Variants in PDE9A observed in about 807,000 individuals in gnomAD.
PDE9A encodes high affinity cGMP-specific 3',5'-cyclic phosphodiesterase 9A.
A neutral mutation model predicts 87.4 loss-of-function variants in PDE9A; 60 were observed. The observed-to-expected ratio is 0.69, with a 90% CI of 0.56 to 0.85. The LOEUF is 0.85. Ranked by LOEUF, PDE9A falls within the 40% of genes least tolerant of loss-of-function variation. The pLI is 0.00. For missense variants in PDE9A, 665 were observed against 779.0 expected, an observed-to-expected ratio of 0.85 and a Z score of 1.74; for synonymous variants, 272 against 279.4, an observed-to-expected ratio of 0.97 and a Z score of 0.27.
chr21:42,663,351 C>G (rs956891409), intron 1 of PDE9A, among the ~76,000 whole-genome samples: 1 of 152,178 alleles, frequency 6.6e-6, no homozygotes, highest in African/African-American at 2.4e-5. Context: ...CACACACGCA[C>G]AGTATGAAGA....
At chr21:42,698,862 C>A in intron 3 of PDE9A, 106 bp from the exon 4 acceptor site, 5 of 634,736 alleles carry the variant, frequency 7.9e-6, no homozygotes, top group East Asian at 2.8e-5. Context: ...TAAAAAGAAC[C>A]ACCTAATCCG....
At chr21:42,720,771 C>T (rs1381932262) in intron 4 of PDE9A, among the ~76,000 whole-genome samples, 2 of 151,894 alleles carry the variant, frequency 1.3e-5, no homozygotes, top group Non-Finnish European at 2.9e-5. Context: ...TTTGGGAGGC[C>T]GAGGTGGGCG....
At chr21:42,740,618 GATGGATGAATGGATAC>G (rs200261027) in intron 7 of PDE9A, among the ~76,000 whole-genome samples, 13 of 79,624 alleles carry the variant, frequency 1.6e-4, no homozygotes, top group South Asian at 9.2e-4. Flanking sequence ...TGGATGGATG[GATGGATGAATGGATAC>G]ATAGATGAAT....
intron 7 of PDE9A, among the ~76,000 whole-genome samples, chr21:42,740,703 A>G (rs1020881401): frequency 3.4e-5 from 4 of 117,046 alleles, no homozygotes; most frequent in Non-Finnish European, 7.3e-5. Flanking sequence ...GTAGGTAGGT[A>G]GTAGATAGAT....
chr21:42,697,040 C>T (rs946753605), intron 3 of PDE9A, among the ~76,000 whole-genome samples: 1 of 152,210 alleles, frequency 6.6e-6, no homozygotes, highest in Non-Finnish European at 1.5e-5. Flanking sequence ...CCTGAGCCCA[C>T]GCAGGCACGT....
chr21:42,695,565 G>A lies in PDE9A; in HGVS notation c.219-3403G>A, dbSNP rs373406911. Among the ~76,000 whole-genome samples, 8 of 152,200 alleles carry A rather than the reference G, an allele frequency of 5.3e-5. No individual in the cohort carries two copies. The East Asian group carries it at 7.7e-4, about 15-fold the overall frequency. The stretch of plus-strand genomic sequence containing the variant: ...TTCCCGGTTTCGGCCAAGTTGTGCC[G>A]CAGGTGACTCTCCACCGGCTGAGCT... On this transcript the variant is annotated intron_variant, in intron 3 of 19. Transcript: ENST00000291539. The surrounding 1 kb of genome is among the most constrained non-coding windows in gnomAD (Gnocchi z 4.3).
At position 42,759,125 on chromosome 21, in the gene PDE9A, G is replaced by A; in HGVS notation, c.897+40G>A. On this transcript the variant is annotated intron_variant, in intron 11 of 19. Coordinates refer to ENST00000291539, the MANE Select transcript of PDE9A (RefSeq NM_002606.3). The surrounding 1 kb of genome is among the most constrained non-coding windows in gnomAD (Gnocchi z 7.2). ...CGCCTTCGGTTCTTCCTGGGCACGT[G>A]GTTTCATCCAGTTCCACAGGAATGG... 2 of 1,456,534 alleles carry A rather than the reference G, an allele frequency of 1.4e-6. No homozygotes were observed. Among genetic ancestry groups the A allele is most frequent in the Non-Finnish European group, 1.9e-6 (2 of 1,037,508 alleles). The allele number at this position is 1,456,534 out of a possible 1,614,324, so 90.2% of individuals were successfully genotyped here.
In PDE9A at chr21:42,653,875, A is replaced by G. The variant is rs751775054; in HGVS notation, c.61A>G (p.Ile21Val). 1.3e-6 allele frequency: 2 copies of G among 1,555,052 alleles called. No individual in the cohort carries two copies. The highest frequency in any genetic ancestry group is 1.2e-5 in the South Asian group (1 of 84,902). Reference sequence around the variant, plus strand: ...CATCTACCTGGACATCGATGGACGCATTCAGAAGGTAGCCCCTCCCCCACC... The same window carrying G: ...CATCTACCTGGACATCGATGGACGCGTTCAGAAGGTAGCCCCTCCCCCACC... ...KAIYLDIDGRIQKVIFSKYCN... is the reference protein window; with the variant it reads ...KAIYLDIDGRVQKVIFSKYCN... The change falls in exon 1 of 20, where the codon ATT becomes GTT. Residue 21 changes from isoleucine (I) to valine (V), a missense_variant. Physicochemically the swap from Ile to Val is conservative, Grantham distance 29 (BLOSUM62 3). Coordinates refer to ENST00000291539, the MANE Select transcript of PDE9A (RefSeq NM_002606.3).
chr21:42,689,190 C>T (rs2059652857), intron 3 of PDE9A, among the ~76,000 whole-genome samples: 1 of 151,968 alleles, frequency 6.6e-6, no homozygotes, highest in African/African-American at 2.4e-5. Flanking sequence ...CCGTCCCCCT[C>T]AGCGAGGTCC....
intron 3 of PDE9A, chr21:42,697,589 G>C (rs1269494686): frequency 1.5e-5 from 12 of 812,720 alleles, no homozygotes; most frequent in Non-Finnish European, 2.4e-5. Flanking sequence ...TGAGTTCTCA[G>C]AGTCTGGAGG....
intron 1 of PDE9A, among the ~76,000 whole-genome samples, chr21:42,665,581 G>A (rs2057906849): frequency 6.6e-6 from 1 of 152,128 alleles, no homozygotes; most frequent in African/African-American, 2.4e-5. Context: ...GGCCACCCCC[G>A]ACCTTGCTCT....
chr21:42,683,725 G>A (rs756978397), intron 1 of PDE9A, among the ~76,000 whole-genome samples: 11 of 152,124 alleles, frequency 7.2e-5, no homozygotes, highest in Non-Finnish European at 1.2e-4. Flanking sequence ...CCCTCCCCTC[G>A]CCTTTTGAGG....
intron 16 of PDE9A, chr21:42,768,634 A>T: frequency 1.0e-6 from 1 of 985,444 alleles, no homozygotes; most frequent in East Asian, 1.1e-4. Flanking sequence ...GCCGAGACCC[A>T]GCAGGTCAGC....
rs745333015 is a variant in PDE9A at position 42,762,063 on chromosome 21, A to T, written c.1086-20A>T. On this transcript the variant is annotated intron_variant, in intron 13 of 19. Transcript: ENST00000291539. ...GGTGAGGGCGCCTGAGTCTCCCCTCACTCTCTCCTTGCCTCCCAGGTACCA... is the reference window on the plus strand; with the variant it reads ...GGTGAGGGCGCCTGAGTCTCCCCTCTCTCTCTCCTTGCCTCCCAGGTACCA... 7.5e-6 allele frequency: 12 copies of T among 1,608,200 alleles called. No homozygotes were observed. The East Asian group carries it at 2.5e-4, about 33-fold the overall frequency.
Position 42,653,805 on chromosome 21 carries a change from C to G in PDE9A, c.-10C>G, listed in dbSNP as rs2056824448. On this transcript the variant is annotated 5_prime_UTR_variant, in exon 1 of 20. Transcript: ENST00000291539. ...CAGTAAAAAGTCCGAGTGCAGCCGC[C>G]GGGCGCAGGATGGGATCCGGCTCCT... 6.5e-7 allele frequency: 1 copy of G among 1,539,418 alleles called. No individual in the cohort carries two copies. The highest frequency in any genetic ancestry group is 1.4e-5 in the African/African-American group (1 of 70,220).
rs1017407582 is a variant in PDE9A at position 42,699,559 on chromosome 21, T to TC, written c.262+548_262+549insC. On this transcript the variant is annotated intron_variant, in intron 4 of 19. Coordinates refer to ENST00000291539, the MANE Select transcript of PDE9A (RefSeq NM_002606.3). ...TTACAATCCTTTTTCTTTTTCTTTTTTTTTTTTTAAAAAAAAACGGAGTCT... is the reference window on the plus strand; with the variant it reads ...TTACAATCCTTTTTCTTTTTCTTTTTCTTTTTTTTAAAAAAAAACGGAGTCT... Among the ~76,000 whole-genome samples, 5 of 100,388 alleles carry TC rather than the reference T, an allele frequency of 5.0e-5. No homozygotes were observed. In the South Asian group the frequency reaches 1.1e-3, roughly 22 times the overall value. 65.9% of individuals were successfully genotyped at this position (100,388 alleles called of 152,430 possible). A position where few individuals can be genotyped will look rare whatever the true frequency, so the allele number is the denominator to read the frequency against.
chr21:42,715,869 A>G (rs1229177045), intron 4 of PDE9A, among the ~76,000 whole-genome samples: 4 of 151,544 alleles, frequency 2.6e-5, no homozygotes, highest in Non-Finnish European at 5.9e-5. Context: ...CCAGTCTCAG[A>G]CAGAATCGGT....
At chr21:42,672,634 C>T (rs1293010290) in intron 1 of PDE9A, among the ~76,000 whole-genome samples, 1 of 152,254 alleles carries the variant, frequency 6.6e-6, no homozygotes, top group Non-Finnish European at 1.5e-5. Context: ...AAGACAGATG[C>T]CCTGCCGTGT....
At chr21:42,744,987 G>A (rs1009622086) in intron 8 of PDE9A, among the ~76,000 whole-genome samples, 1 of 152,236 alleles carries the variant, frequency 6.6e-6, no homozygotes, top group Non-Finnish European at 1.5e-5. Context: ...GTTCCCCAGA[G>A]TGCCACTGCC....
Sources: gnomAD v4.1 joint callset for allele counts (sites outside exome capture counted in the v4.1 genomes callset) on GRCh38, gnomAD v4.1.1 for gene constraint, Gnocchi (gnomAD v3.1) non-coding constraint, MANE v1.5 for transcripts, NCBI Gene and HGNC (gene_info 2026-07-23, HGNC 2026-07-21) for gene names.